DIP2C: variants seen among roughly 807,000 people sequenced by gnomAD.
DIP2C encodes DIP2 acetate--CoA ligase C (putative).
In DIP2C, 33 loss-of-function variants were observed where a neutral mutation model predicts 192.4. That is an observed-to-expected ratio of 0.17 (90% CI 0.13 to 0.23). DIP2C has a LOEUF of 0.23. Ranked by LOEUF, DIP2C falls within the 10% of genes least tolerant of loss-of-function variation. The probability of loss-of-function intolerance (pLI) is 1.00; values close to 1 mark genes in which losing one functional copy is unlikely to be tolerated. For synonymous variants in DIP2C, 979 were observed against 864.1 expected, an observed-to-expected ratio of 1.13 and a Z score of -2.33; for missense variants, 1,537 against 2,110.1, an observed-to-expected ratio of 0.73 and a Z score of 5.32.
chr10:493,583 C>T (rs763106671), intron 1 of DIP2C, among the ~76,000 whole-genome samples: 14 of 152,152 alleles, frequency 9.2e-5, no homozygotes, highest in Non-Finnish European at 1.6e-4. Flanking sequence ...CTCAGATGGC[C>T]GCCGTGGGCC....
chr10:372,726 A>G (rs562461993), intron 17 of DIP2C, among the ~76,000 whole-genome samples: 10 of 150,980 alleles, frequency 6.6e-5, no homozygotes, highest in African/African-American at 2.5e-4. Context: ...GGAGGTCCCA[A>G]CACACAGGCG....
At chr10:347,585 A>C (rs1170845579) in intron 26 of DIP2C, among the ~76,000 whole-genome samples, 1 of 123,242 alleles carries the variant, frequency 8.1e-6, no homozygotes, top group Non-Finnish European at 1.7e-5. Flanking sequence ...GCACCCAGAC[A>C]CATCGCGCAT....
At chr10:545,673 G>C (rs1390387056) in intron 1 of DIP2C, among the ~76,000 whole-genome samples, 1 of 152,206 alleles carries the variant, frequency 6.6e-6, no homozygotes, top group Non-Finnish European at 1.5e-5. Flanking sequence ...TGCGGTGTCT[G>C]TTACGGTACC....
chr10:578,536 G>A (rs921396868), intron 1 of DIP2C, among the ~76,000 whole-genome samples: 3 of 152,188 alleles, frequency 2.0e-5, no homozygotes, highest in Non-Finnish European at 4.4e-5. Context: ...TCAAGGAAGT[G>A]ATTGGTTCCT....
intron 1 of DIP2C, among the ~76,000 whole-genome samples, chr10:512,931 A>G (rs1283761315): frequency 6.6e-6 from 1 of 151,292 alleles, no homozygotes; most frequent in African/African-American, 2.4e-5. Context: ...GGAAAAAAAA[A>G]AAAAAAAAAA....
chr10:417,810 T>G (rs61837181), intron 6 of DIP2C, among the ~76,000 whole-genome samples: 110 of 9,624 alleles, frequency 0.011, 29 homozygotes, highest in African/African-American at 0.032. Context: ...GTCCACCTGT[T>G]CCTGTCAGGG....
intron 4 of DIP2C, among the ~76,000 whole-genome samples, chr10:435,018 A>G (rs1967062615): frequency 6.6e-6 from 1 of 152,146 alleles, no homozygotes; most frequent in Non-Finnish European, 1.5e-5. Flanking sequence ...TCCTGAATCT[A>G]TGGTTTGGTG....
At chr10:453,383 C>T (rs1008940494) in intron 3 of DIP2C, among the ~76,000 whole-genome samples, 3 of 152,298 alleles carry the variant, frequency 2.0e-5, no homozygotes, top group South Asian at 2.1e-4. Context: ...GCAAACATCA[C>T]GAGAGTAACA....
intron 9 of DIP2C, among the ~76,000 whole-genome samples, chr10:408,495 T>C (rs1964966479): frequency 6.6e-6 from 1 of 152,248 alleles, no homozygotes; most frequent in Admixed American, 6.5e-5. Context: ...AGCAGACTCA[T>C]GCCTTTATAG....
In DIP2C at chr10:363,319, G is replaced by C; in HGVS notation, c.2478-8C>G. On this transcript the variant is annotated splice_region_variant and splice_polypyrimidine_tract_variant and intron_variant, in intron 20 of 36. Coordinates refer to ENST00000280886, the MANE Select transcript of DIP2C (RefSeq NM_014974.3). The surrounding 1 kb of genome is among the most constrained non-coding windows in gnomAD (Gnocchi z 5.4). ...ACCGAGAACACGGCTATCCTGCGGG[G>C]ACACAGGAGCATGGTGAGCACGCGC... 1 of 1,609,178 alleles carries C rather than the reference G, an allele frequency of 6.2e-7. No homozygotes were observed. Among genetic ancestry groups the C allele is most frequent in the Non-Finnish European group, 8.5e-7 (1 of 1,179,200 alleles).
intron 5 of DIP2C, among the ~76,000 whole-genome samples, chr10:421,025 ACTT>A (rs775261135): frequency 6.6e-6 from 1 of 152,166 alleles, no homozygotes; most frequent in Non-Finnish European, 1.5e-5. Flanking sequence ...CTGACTTTTT[ACTT>A]CTTTTGTTTT....
chr10:366,462 G>A (rs1383671501), intron 18 of DIP2C, 51 bp from the exon 19 acceptor site: 10 of 1,610,982 alleles, frequency 6.2e-6, no homozygotes, highest in South Asian at 1.1e-5. Flanking sequence ...CAGGTGGGGA[G>A]AATAAAGGAA....
intron 1 of DIP2C, among the ~76,000 whole-genome samples, chr10:562,498 TACGAAATAG>T (rs775598811): frequency 1.3e-5 from 2 of 152,362 alleles, no homozygotes; most frequent in Non-Finnish European, 2.9e-5. Context: ...ACAGAATCTC[TACGAAATAG>T]ACGAAATTCC....
chr10:599,076 A>G (rs767408123), intron 1 of DIP2C, among the ~76,000 whole-genome samples: 1 of 152,182 alleles, frequency 6.6e-6, no homozygotes, highest in Non-Finnish European at 1.5e-5. Flanking sequence ...GTCCCTCACA[A>G]AACAGGCTCC....
At chr10:662,724 G>A (rs552182356) in intron 1 of DIP2C, 4 of 587,318 alleles carry the variant, frequency 6.8e-6, no homozygotes, top group South Asian at 4.7e-5. Flanking sequence ...AATGTTTGAG[G>A]AAATAATTTT....
intron 33 of DIP2C, among the ~76,000 whole-genome samples, chr10:287,672 A>G (rs1408318991): frequency 1.3e-5 from 2 of 148,374 alleles, no homozygotes; most frequent in African/African-American, 5.0e-5. Flanking sequence ...CGAAACGGAA[A>G]AAAAAAAAAA....
chr10:524,326 C>T (rs1846919955), intron 1 of DIP2C, among the ~76,000 whole-genome samples: 1 of 152,164 alleles, frequency 6.6e-6, no homozygotes, highest in South Asian at 2.1e-4. Flanking sequence ...GGTCCCTGCT[C>T]AGATGCAAAA....
chr10:330,371 T>TG (rs1589501056), intron 29 of DIP2C, among the ~76,000 whole-genome samples: 3 of 152,192 alleles, frequency 2.0e-5, no homozygotes, highest in African/African-American at 7.2e-5. Flanking sequence ...TATCAATTGA[T>TG]GGGGTAAGTG....
intron 1 of DIP2C, among the ~76,000 whole-genome samples, chr10:561,432 C>T (rs1362186218): frequency 2.0e-5 from 3 of 152,196 alleles, no homozygotes; most frequent in Non-Finnish European, 4.4e-5. Flanking sequence ...GAGAGACCTG[C>T]ACCTCCAGGG....
Sources: allele counts gnomAD v4.1 joint callset (sites outside exome capture counted in the v4.1 genomes callset), GRCh38; gene constraint gnomAD v4.1.1; non-coding constraint Gnocchi (gnomAD v3.1); transcripts MANE v1.5; gene names NCBI Gene and HGNC (gene_info 2026-07-23, HGNC 2026-07-21).